TMEM87B: variants seen among roughly 807,000 people sequenced by gnomAD.
TMEM87B encodes transmembrane protein 87B.
TMEM87B carries 83 observed loss-of-function variants against 80.3 expected under a neutral mutation model. The observed-to-expected ratio is 1.03, with a 90% CI of 0.87 to 1.24. The LOEUF (loss-of-function observed/expected upper bound fraction) is 1.24. Among genes scored for constraint, TMEM87B ranks in the 50% most tolerant of loss-of-function variants. TMEM87B has a pLI of 0.00. For synonymous variants in TMEM87B, 219 were observed against 230.5 expected (o/e 0.95, Z 0.45); for missense variants, 625 against 674.4 (o/e 0.93, Z 0.81).
At chr2:112,082,240 T>A (rs1188184250) in intron 8 of TMEM87B, among the ~76,000 whole-genome samples, 1 of 152,160 alleles carries the variant, frequency 6.6e-6, no homozygotes, top group Non-Finnish European at 1.5e-5. Context: ...TTGGTGCAGA[T>A]CTTCAAAGGG....
intron 3 of TMEM87B, among the ~76,000 whole-genome samples, chr2:112,065,297 A>G (rs1297054653): frequency 6.6e-6 from 1 of 152,200 alleles, no homozygotes; most frequent in Non-Finnish European, 1.5e-5. Context: ...TTTTCACAGT[A>G]TAATTATAGA....
rs1678342582 is a variant in TMEM87B at position 112,064,142 on chromosome 2, G to A, written c.227-20G>A. ...TGTATGTATTATTCATGTAAAACAAGACTTTCTTTTTCTAAACAGTTAAGT... is the reference window on the plus strand; with the variant it reads ...TGTATGTATTATTCATGTAAAACAAAACTTTCTTTTTCTAAACAGTTAAGT... On this transcript the variant is annotated intron_variant, in intron 2 of 18. Transcript: ENST00000283206. 6.2e-7 allele frequency: 1 copy of A among 1,603,964 alleles called. No individual in the cohort carries two copies. Among genetic ancestry groups the A allele is most frequent in the Admixed American group, 1.7e-5 (1 of 59,102 alleles).
chr2:112,091,012 T>C (rs531659641), intron 10 of TMEM87B, among the ~76,000 whole-genome samples: 28 of 152,242 alleles, frequency 1.8e-4, no homozygotes, highest in Non-Finnish European at 3.5e-4. Flanking sequence ...ATAATAATAA[T>C]AAATACTTGC....
In TMEM87B at chr2:112,055,769, T is replaced by C; in HGVS notation, c.165+13T>C. 1 of 1,462,860 alleles carries C rather than the reference T, an allele frequency of 6.8e-7. No individual in the cohort carries two copies. Among genetic ancestry groups the C allele is most frequent in the Non-Finnish European group, 9.0e-7 (1 of 1,108,318 alleles). 90.6% of individuals were successfully genotyped at this position (1,462,860 alleles called of 1,614,324 possible). On this transcript the variant is annotated intron_variant, in intron 1 of 18. Coordinates refer to ENST00000283206, the MANE Select transcript of TMEM87B (RefSeq NM_032824.3). ...GACAGTCAACGACGTAAGTGGAGTGTCGGGACCCAGGCGTGGCACGTCTCG... is the reference window on the plus strand; with the variant it reads ...GACAGTCAACGACGTAAGTGGAGTGCCGGGACCCAGGCGTGGCACGTCTCG...
Position 112,058,103 on chromosome 2 carries a change from G to A in TMEM87B, c.166-1874G>A, listed in dbSNP as rs190375958. Among the ~76,000 whole-genome samples, 351 of 152,228 alleles carry A rather than the reference G, an allele frequency of 2.3e-3. 2 individuals carry two copies. Among genetic ancestry groups the A allele is most frequent in the Middle Eastern group, 0.017 (5 of 292 alleles). On this transcript the variant is annotated intron_variant, in intron 1 of 18. Coordinates refer to ENST00000283206, the MANE Select transcript of TMEM87B (RefSeq NM_032824.3). ...CAGCCTCCCAAAGTTCTGGGATTAC[G>A]GGCGTGAGCCACCGCACTCGGCCTC...
At chr2:112,099,674 G>A (rs759583561) in intron 14 of TMEM87B, among the ~76,000 whole-genome samples, 22 of 150,188 alleles carry the variant, frequency 1.5e-4, no homozygotes, top group Non-Finnish European at 3.0e-4. Context: ...CCAGGAATTC[G>A]AGACCAGCCT....
chr2:112,109,119 G>A (rs541764904), intron 17 of TMEM87B, among the ~76,000 whole-genome samples: 41 of 152,272 alleles, frequency 2.7e-4, no homozygotes, highest in African/African-American at 9.4e-4. Context: ...CTTGTTGGGG[G>A]ACTAGTGTTA....
At position 112,091,794 on chromosome 2, in the gene TMEM87B, C is replaced by T. The variant is rs1289940226; in HGVS notation, c.1104+11C>T. 2 of 1,579,434 alleles carry T rather than the reference C, an allele frequency of 1.3e-6. No individual in the cohort carries two copies. The highest frequency in any genetic ancestry group is 1.7e-5 in the Admixed American group (1 of 57,584). On this transcript the variant is annotated intron_variant, in intron 11 of 18. Coordinates refer to ENST00000283206, the MANE Select transcript of TMEM87B (RefSeq NM_032824.3). ...ATTTTTGTGTGGTTCATATCCTTTA[C>T]TGTGTCCTTCAAAATAGTTTGTTGT...
intron 5 of TMEM87B, among the ~76,000 whole-genome samples, chr2:112,075,407 A>G (rs1172549582): frequency 6.6e-6 from 1 of 152,184 alleles, no homozygotes; most frequent in Non-Finnish European, 1.5e-5. Flanking sequence ...CTCAAAAAAA[A>G]GTTTTCTTAT....
intron 2 of TMEM87B, among the ~76,000 whole-genome samples, chr2:112,062,733 C>T (rs1323914950): frequency 6.6e-6 from 1 of 152,120 alleles, no homozygotes; most frequent in African/African-American, 2.4e-5. Context: ...TTGTTAAGTT[C>T]TTTTAGGATG....
At chr2:112,055,814 C>G (rs9308665) in intron 1 of TMEM87B, 58 bp downstream of exon 1, 1,019,229 of 1,437,912 alleles carry the variant, frequency 0.71, 363,321 homozygotes, top group East Asian at 0.9. Context: ...GGCCGTCGTG[C>G]GGCTTCGCTT....
At chr2:112,081,551 G>A (rs1429781483) in intron 8 of TMEM87B, 33 bp downstream of exon 8, 3 of 1,562,182 alleles carry the variant, frequency 1.9e-6, no homozygotes, top group African/African-American at 2.7e-5. Flanking sequence ...AATATAGTAT[G>A]ATCTAAGAGT....
At chr2:112,056,404 A>G (rs1242861285) in intron 1 of TMEM87B, among the ~76,000 whole-genome samples, 3 of 152,066 alleles carry the variant, frequency 2.0e-5, no homozygotes, top group Non-Finnish European at 2.9e-5. Context: ...TGAAAGGCGA[A>G]TCTGGAGGCA....
chr2:112,056,892 C>G (rs1025937654), intron 1 of TMEM87B, among the ~76,000 whole-genome samples: 2 of 152,182 alleles, frequency 1.3e-5, no homozygotes, highest in African/African-American at 4.8e-5. Context: ...AAGTAGAACT[C>G]AGTGAACTAC....
chr2:112,063,848 A>AT (rs1678332916), intron 2 of TMEM87B, among the ~76,000 whole-genome samples: 1 of 152,240 alleles, frequency 6.6e-6, no homozygotes, highest in African/African-American at 2.4e-5. Context: ...CACTCAGTAT[A>AT]TTTTGAATGA....
intron 11 of TMEM87B, chr2:112,095,159 TTC>T: frequency 1.1e-6 from 1 of 919,890 alleles, no homozygotes; most frequent in Non-Finnish European, 1.3e-6. Flanking sequence ...TTTCTTTTCT[TTC>T]TTTCTTTTTT....
intron 9 of TMEM87B, among the ~76,000 whole-genome samples, chr2:112,087,087 C>A (rs1024353370): frequency 6.6e-6 from 1 of 152,140 alleles, no homozygotes; most frequent in Non-Finnish European, 1.5e-5. Context: ...TTGTCCCTCC[C>A]CATCTTATAT....
rs1013083364 is a variant in TMEM87B, at chr2:112,057,756, T to C, written c.165+2000T>C. Among the ~76,000 whole-genome samples, 6 of 151,828 alleles carry C rather than the reference T, an allele frequency of 4.0e-5. No homozygotes were observed. The East Asian group carries it at 1.2e-3, about 29-fold the overall frequency. On this transcript the variant is annotated intron_variant, in intron 1 of 18. Coordinates refer to ENST00000283206, the MANE Select transcript of TMEM87B (RefSeq NM_032824.3). ...GTAGATAGTCATATACACTGTGATA[T>C]ACTTGGGATATTACTGGAGCACCAA... is the stretch of plus-strand genomic sequence containing the variant.
At chr2:112,070,818 C>CTT (rs1022710531) in intron 4 of TMEM87B, among the ~76,000 whole-genome samples, 2 of 145,304 alleles carry the variant, frequency 1.4e-5, no homozygotes. Context: ...CATGGAACAT[C>CTT]TTTTTTTTTT....
Sources: gnomAD v4.1 joint callset for allele counts (sites outside exome capture counted in the v4.1 genomes callset) on GRCh38, gnomAD v4.1.1 for gene constraint, MANE v1.5 for transcripts, NCBI Gene and HGNC (gene_info 2026-07-23, HGNC 2026-07-21) for gene names.